ING2: variants seen among roughly 807,000 people sequenced by gnomAD.
The protein encoded by ING2 is inhibitor of growth protein 2.
A neutral mutation model predicts 30.6 loss-of-function variants in ING2; 7 were observed. The ratio of observed to expected loss-of-function variants is 0.23; its 90% CI spans 0.13 to 0.43. The LOEUF (loss-of-function observed/expected upper bound fraction) is 0.43, where lower values mean the gene tolerates loss of function less well. Ranked by LOEUF, ING2 falls within the 20% of genes least tolerant of loss-of-function variation. The pLI is 1.00. For synonymous variants in ING2, 136 were observed against 121.7 expected, an observed-to-expected ratio of 1.12 and a Z score of -0.78; for missense variants, 239 against 334.9, an observed-to-expected ratio of 0.71 and a Z score of 2.24.
chr4:183,510,423 C>T lies in ING2; in HGVS notation c.314C>T (p.Thr105Ile). ...ELGDEKIQIV[T>I]QMLELVENRA... ...GGAGATGAAAAAATACAGATTGTTA[C>T]ACAAATGCTCGAATTGGTGGAAAAT... is the stretch of plus-strand genomic sequence containing the variant. Residue 105 changes from threonine (T) to isoleucine (I), a missense_variant, in exon 2 of 2, where the codon ACA (threonine) becomes ATA (isoleucine). Transcript: ENST00000302327. 6.2e-7 allele frequency: 1 copy of T among 1,614,172 alleles called. No homozygotes were observed. Among genetic ancestry groups the T allele is most frequent in the Non-Finnish European group, 8.5e-7 (1 of 1,180,034 alleles).
intron 1 of ING2, among the ~76,000 whole-genome samples, chr4:183,509,426 A>G (rs1734758342): frequency 1.3e-5 from 2 of 151,900 alleles, no homozygotes. Context: ...TTTGATCATT[A>G]ATTAGCCAAA....
rs948624647 is a variant in ING2, at chr4:183,512,069, G to A, written c.*1117G>A. Among the ~76,000 whole-genome samples the A allele has an allele frequency of 2.6e-5, 4 of 152,176 alleles. No individual in the cohort carries two copies. The highest frequency in any genetic ancestry group is 5.9e-5 in the Non-Finnish European group (4 of 68,030). On this transcript the variant is annotated 3_prime_UTR_variant, in exon 2 of 2. Coordinates refer to ENST00000302327, the MANE Select transcript of ING2 (RefSeq NM_001564.4). ...CAAGATTCTGATATTTGAAGGGTAA[G>A]CATCTTGATGGATATATGTCCATAT...
intron 1 of ING2, chr4:183,506,028 G>T (rs1734634779): frequency 2.0e-6 from 2 of 1,024,286 alleles, no homozygotes; most frequent in Non-Finnish European, 2.4e-6. Flanking sequence ...AGGGGCGTGT[G>T]TGGCGGGGAG....
chr4:183,505,222 G>T lies in ING2; in HGVS notation c.27G>T (p.Leu9=). 6.2e-7 allele frequency: 1 copy of T among 1,602,068 alleles called. No homozygotes were observed. The highest frequency in any genetic ancestry group is 2.3e-5 in the East Asian group (1 of 43,914). Residue 9 remains leucine (L), a synonymous_variant, in exon 1 of 2, where the codon CTG becomes CTT. Coordinates refer to ENST00000302327, the MANE Select transcript of ING2 (RefSeq NM_001564.4). MLGQQQQQ[L]YSSAALLTGE... ...TGTTAGGGCAGCAGCAGCAGCAACT[G>T]TACTCGTCGGCCGCGCTCCTGACCG... is the stretch of plus-strand genomic sequence containing the variant.
At position 183,506,936 on chromosome 4, in the gene ING2, A is replaced by G. The variant is rs138294560; in HGVS notation, c.172+1569A>G. 4.3e-4 allele frequency among the ~76,000 whole-genome samples: 65 copies of G among 152,312 alleles called. No homozygotes were observed. In the East Asian group the frequency reaches 0.011, roughly 25 times the overall value. On this transcript the variant is annotated intron_variant, in intron 1 of 1. Coordinates refer to ENST00000302327, the MANE Select transcript of ING2 (RefSeq NM_001564.4). ...CTCCAGAGCCTGCTACTGTAGATGC[A>G]TATCTTTGTTTTCAAACAATTTAAG...
intron 1 of ING2, chr4:183,506,155 C>T (rs986251660): frequency 1.6e-6 from 2 of 1,266,748 alleles, no homozygotes; most frequent in Admixed American, 4.8e-5. Flanking sequence ...GGCGAGCTGG[C>T]TGCTGGGGAG....
intron 1 of ING2, chr4:183,506,192 G>T (rs922228152): frequency 1.5e-6 from 2 of 1,298,922 alleles, no homozygotes; most frequent in African/African-American, 3.0e-5. Flanking sequence ...GGGGGCGTTG[G>T]TTCGGCCCCA....
chr4:183,506,110 G>C, intron 1 of ING2: 1 of 1,195,482 alleles, frequency 8.4e-7, no homozygotes, highest in Admixed American at 3.0e-5. Flanking sequence ...GCGTTCCCGC[G>C]GGCCTGGAAA....
intron 1 of ING2, among the ~76,000 whole-genome samples, chr4:183,507,106 T>G (rs1734666524): frequency 1.3e-5 from 2 of 152,292 alleles, no homozygotes; most frequent in African/African-American, 4.8e-5. Flanking sequence ...GCTTGTAGTT[T>G]GTGTTGTTGT....
intron 1 of ING2, chr4:183,506,386 C>T: frequency 1.8e-6 from 2 of 1,093,578 alleles, no homozygotes; most frequent in Admixed American, 4.6e-5. Context: ...GGGCAACCGC[C>T]TGGCGTCCCC....
At chr4:183,510,199 A>C (rs1734789621) in intron 1 of ING2, 83 bp from the exon 2 acceptor site, 6 of 1,021,084 alleles carry the variant, frequency 5.9e-6, no homozygotes, top group East Asian at 2.4e-5. Context: ...TTCTAATTTC[A>C]ATTCTGTAAA....
chr4:183,510,684 C>T lies in ING2; in HGVS notation c.575C>T (p.Ser192Phe). 6.2e-7 allele frequency: 1 copy of T among 1,614,132 alleles called. No individual in the cohort carries two copies. Among genetic ancestry groups the T allele is most frequent in the Non-Finnish European group, 8.5e-7 (1 of 1,180,020 alleles). The change falls in exon 2 of 2, where the codon TCC becomes TTC. Residue 192 changes from serine (S) to phenylalanine (F), a missense_variant. Ser to Phe is a radical substitution (Grantham distance 155, BLOSUM62 -2). Transcript: ENST00000302327. ...KSKSAKKKKRSKAKQEREASP... is the reference protein window; with the variant it reads ...KSKSAKKKKRFKAKQEREASP... The stretch of plus-strand genomic sequence containing the variant: ...AAGTCAGCAAAGAAAAAGAAACGCT[C>T]CAAGGCCAAGCAGGAAAGGGAAGCT...
In ING2 at chr4:183,506,294, G is replaced by C. The variant is rs57401069; in HGVS notation, c.172+927G>C. On this transcript the variant is annotated intron_variant, in intron 1 of 1. Transcript: ENST00000302327. The stretch of plus-strand genomic sequence containing the variant: ...GGATCAGGACGGCGATCAGCAGCTC[G>C]GACCGTCGCGGATCCTGGCTCCGCG... The C allele has an allele frequency of 1.4e-3, 1,856 of 1,304,264 alleles. 22 individuals are homozygous for C. The African/African-American group carries it at 0.025, about 18-fold the overall frequency. 80.8% of individuals were successfully genotyped at this position (1,304,264 alleles called of 1,614,324 possible). A position where few individuals can be genotyped will look rare whatever the true frequency, so the allele number is the denominator to read the frequency against.
At position 183,505,267 on chromosome 4, in the gene ING2, C is replaced by CA; in HGVS notation, c.73dup (p.Thr25AsnfsTer9). ...TGACCGGGGAGCGGAGCCGGCTGCT[C>CA]ACCTGCTACGTGCAGGACTACCTTG... On this transcript the variant is annotated frameshift_variant, in exon 1 of 2. Coordinates refer to ENST00000302327, the MANE Select transcript of ING2 (RefSeq NM_001564.4). LOFTEE classifies it high-confidence loss of function. The CA allele has an allele frequency of 6.3e-7, 1 of 1,590,116 alleles. No individual in the cohort carries two copies. Among genetic ancestry groups the CA allele is most frequent in the Non-Finnish European group, 8.6e-7 (1 of 1,169,536 alleles).
At chr4:183,505,447 G>C in intron 1 of ING2, 80 bp downstream of exon 1, 1 of 1,334,044 alleles carries the variant, frequency 7.5e-7, no homozygotes, top group South Asian at 1.4e-5. Flanking sequence ...CCTTTCTCCC[G>C]TGACAGTCTC....
chr4:183,510,582 G>A lies in ING2; in HGVS notation c.473G>A (p.Ser158Asn). The change falls in exon 2 of 2, where the codon AGT (serine) becomes AAT (asparagine). Residue 158 changes from serine to asparagine, a missense_variant. Coordinates refer to ENST00000302327, the MANE Select transcript of ING2 (RefSeq NM_001564.4). ...SSRRPRRQRTSESRDLCHMAN... is the reference protein window; with the variant it reads ...SSRRPRRQRTNESRDLCHMAN... Reference sequence around the variant, plus strand: ...AGAAGACCCCGCAGGCAGCGGACCAGTGAAAGCCGTGATTTATGTCACATG... The same window carrying A: ...AGAAGACCCCGCAGGCAGCGGACCAATGAAAGCCGTGATTTATGTCACATG... 6.2e-7 allele frequency: 1 copy of A among 1,614,062 alleles called. No homozygotes were observed. The highest frequency in any genetic ancestry group is 8.5e-7 in the Non-Finnish European group (1 of 1,180,046).
At position 183,511,956 on chromosome 4, in the gene ING2, C is replaced by A. The variant is rs145875028; in HGVS notation, c.*1004C>A. The stretch of plus-strand genomic sequence containing the variant: ...AATAGTGTATTTACTGTCTTAACTT[C>A]TAGTATTGGTGCTGTTTGATGTTTT... On this transcript the variant is annotated 3_prime_UTR_variant, in exon 2 of 2. Transcript: ENST00000302327. Among the ~76,000 whole-genome samples the A allele has an allele frequency of 9.7e-4, 147 of 152,268 alleles. 1 individual carries two copies. Among genetic ancestry groups the A allele is most frequent in the African/African-American group, 3.2e-3 (133 of 41,546 alleles).
intron 1 of ING2, chr4:183,506,124 G>T (rs1412951438): frequency 3.3e-6 from 4 of 1,228,326 alleles, no homozygotes; most frequent in Non-Finnish European, 3.2e-6. Flanking sequence ...CTGGAAAATG[G>T]CTGGTCGCGA....
At chr4:183,506,242 A>G in intron 1 of ING2, 2 of 1,304,204 alleles carry the variant, frequency 1.5e-6, no homozygotes, top group Non-Finnish European at 2.0e-6. Flanking sequence ...TTTTGCGGTG[A>G]TGTTTCCAAC....
Sources: allele counts gnomAD v4.1 joint callset (sites outside exome capture counted in the v4.1 genomes callset), GRCh38; gene constraint gnomAD v4.1.1; transcripts MANE v1.5; gene names NCBI Gene and HGNC (gene_info 2026-07-23, HGNC 2026-07-21).